Variants in APLF observed in about 807,000 individuals in gnomAD.
APLF encodes aprataxin and PNKP like factor, also known as aprataxin and PNK-like factor.
APLF carries 61 observed loss-of-function variants against 55.6 expected under a neutral mutation model. The ratio of observed to expected loss-of-function variants is 1.10; its 90% CI spans 0.89 to 1.36. The LOEUF (loss-of-function observed/expected upper bound fraction) is 1.36, where lower values mean the gene tolerates loss of function less well. Among genes scored for constraint, APLF ranks in the 40% most tolerant of loss-of-function variants. The probability of loss-of-function intolerance (pLI) is 0.00; values close to 1 mark genes in which losing one functional copy is unlikely to be tolerated. For missense variants in APLF, 611 were observed against 602.5 expected (o/e 1.01, Z -0.15); for synonymous variants, 207 against 214.8 (o/e 0.96, Z 0.32).
intron 8 of APLF, among the ~76,000 whole-genome samples, chr2:68,548,100 C>G (rs1358799332): frequency 6.6e-6 from 1 of 151,618 alleles, no homozygotes; most frequent in African/African-American, 2.4e-5. Context: ...CAAATAACTT[C>G]CAGATGAATT....
At chr2:68,565,079 C>A (rs1671264842) in intron 8 of APLF, among the ~76,000 whole-genome samples, 1 of 152,018 alleles carries the variant, frequency 6.6e-6, no homozygotes, top group African/African-American at 2.4e-5. Context: ...AGCAAATTTC[C>A]CTCATGACAA....
chr2:68,546,866 C>T (rs913207555), intron 8 of APLF, among the ~76,000 whole-genome samples: 1 of 151,754 alleles, frequency 6.6e-6, no homozygotes, highest in Non-Finnish European at 1.5e-5. Flanking sequence ...GTTATTACCA[C>T]TTCAGTTCAT....
chr2:68,505,514 C>T (rs1274562492), intron 3 of APLF, among the ~76,000 whole-genome samples: 1 of 151,954 alleles, frequency 6.6e-6, no homozygotes, highest in Non-Finnish European at 1.5e-5. Context: ...TGAAAATAAA[C>T]CCACTTTCAC....
rs1311042346 is a variant in APLF at position 68,529,283 on chromosome 2, C to T, written c.804+3041C>T. ...GCCTGGAAAAGAAGGCCCAAGATGTCGCTGACGGTTGAAGAGGAGTGGGAA... is the reference window on the plus strand; with the variant it reads ...GCCTGGAAAAGAAGGCCCAAGATGTTGCTGACGGTTGAAGAGGAGTGGGAA... On this transcript the variant is annotated intron_variant, in intron 6 of 9. Transcript: ENST00000303795. This position sits in a 1 kb window ranked among gnomAD's most constrained non-coding sequence, Gnocchi z 4.4. 2.7e-5 allele frequency: 37 copies of T among 1,348,634 alleles called. No homozygotes were observed. The highest frequency in any genetic ancestry group is 2.2e-4 in the Middle Eastern group (1 of 4,462). The allele number at this position is 1,348,634 out of a possible 1,614,324, so 83.5% of individuals were successfully genotyped here. A position where few individuals can be genotyped will look rare whatever the true frequency, so the allele number is the denominator to read the frequency against.
chr2:68,482,144 GGTT>G (rs1675979681), intron 1 of APLF, among the ~76,000 whole-genome samples: 1 of 150,898 alleles, frequency 6.6e-6, no homozygotes. Context: ...GTTCCTTTGG[GGTT>G]GTTATGTTTT....
chr2:68,475,684 A>G lies in APLF; in HGVS notation c.96+7857A>G, dbSNP rs547304501. 3.3e-5 allele frequency among the ~76,000 whole-genome samples: 5 copies of G among 152,312 alleles called. No homozygotes were observed. In the East Asian group the frequency reaches 5.8e-4, roughly 18 times the overall value. ...GTACATTCCAAATACGATAATGTCA[A>G]ACATCTTATATCAACTACTTTTGCT... On this transcript the variant is annotated intron_variant, in intron 1 of 9. Coordinates refer to ENST00000303795, the MANE Select transcript of APLF (RefSeq NM_173545.3).
Position 68,529,012 on chromosome 2 carries a change from C to G in APLF, c.804+2770C>G, listed in dbSNP as rs1670165194. On this transcript the variant is annotated intron_variant, in intron 6 of 9. Transcript: ENST00000303795. The surrounding 1 kb of genome is among the most constrained non-coding windows in gnomAD (Gnocchi z 4.4). ...TTGCTTCTTTGGGCTCTTCTGCCCTCACCTCCATTTTCGGGAGCCTGGCTG... is the reference window on the plus strand; with the variant it reads ...TTGCTTCTTTGGGCTCTTCTGCCCTGACCTCCATTTTCGGGAGCCTGGCTG... The G allele has an allele frequency of 6.6e-7, 1 of 1,504,148 alleles. No individual in the cohort carries two copies. Among genetic ancestry groups the G allele is most frequent in the South Asian group, 1.2e-5 (1 of 83,332 alleles). 93.2% of individuals were successfully genotyped at this position (1,504,148 alleles called of 1,614,324 possible).
chr2:68,507,912 TG>T (rs1676917186), intron 3 of APLF, among the ~76,000 whole-genome samples: 4 of 151,818 alleles, frequency 2.6e-5, no homozygotes, highest in Non-Finnish European at 4.4e-5. Context: ...AATCTAAGTA[TG>T]TAGATTCCAT....
chr2:68,518,339 TA>T (rs1431938900), intron 5 of APLF, among the ~76,000 whole-genome samples: 21 of 113,192 alleles, frequency 1.9e-4, no homozygotes, highest in African/African-American at 7.3e-4. Context: ...TATTAATAAA[TA>T]ATTATATATT....
chr2:68,476,913 G>C (rs940359077), intron 1 of APLF, among the ~76,000 whole-genome samples: 3 of 152,062 alleles, frequency 2.0e-5, no homozygotes, highest in African/African-American at 4.8e-5. Flanking sequence ...GATTCAACAA[G>C]TATATTGGAA....
intron 8 of APLF, among the ~76,000 whole-genome samples, chr2:68,549,191 A>G (rs545063511): frequency 1.3e-5 from 2 of 151,938 alleles, no homozygotes; most frequent in South Asian, 2.1e-4. Context: ...TTTCCTTGCT[A>G]TATATTTGTT....
chr2:68,476,975 T>TA (rs757398137), intron 1 of APLF, among the ~76,000 whole-genome samples: 1 of 152,088 alleles, frequency 6.6e-6, no homozygotes, highest in Non-Finnish European at 1.5e-5. Flanking sequence ...ACTCTATATT[T>TA]AAAAAACATT....
At chr2:68,523,971 CT>C (rs35929423) in intron 5 of APLF, among the ~76,000 whole-genome samples, 38,098 of 151,256 alleles carry the variant, frequency 0.25, 8,014 homozygotes, top group African/African-American at 0.58. Flanking sequence ...TTTTGAAAAA[CT>C]TGAGTATTTT....
rs868100771 is a variant in APLF, at chr2:68,526,074, G to C, written c.636G>C (p.Gln212His). The C allele has an allele frequency of 1.2e-6, 2 of 1,612,642 alleles. No homozygotes were observed. Among genetic ancestry groups the C allele is most frequent in the Middle Eastern group, 3.3e-4 (2 of 6,058 alleles). The change falls in exon 6 of 10, where the codon CAG (glutamine) becomes CAC (histidine). Residue 212 changes from glutamine to histidine, a missense_variant. Gln to His is a conservative substitution (Grantham distance 24). Transcript: ENST00000303795. ...TATGTGTTTAAGGTAATGTAATCCAGGGAAGTGGAAAAGAAGAAATCTGCA... is the reference window on the plus strand; with the variant it reads ...TATGTGTTTAAGGTAATGTAATCCACGGAAGTGGAAAAGAAGAAATCTGCA... ...VPAISGGNVI[Q>H]GSGKEEICKD...
At chr2:68,495,095 G>A (rs902749264) in intron 2 of APLF, among the ~76,000 whole-genome samples, 1 of 152,124 alleles carries the variant, frequency 6.6e-6, no homozygotes, top group Admixed American at 6.5e-5. Context: ...TGAGTTTCAG[G>A]TGGGGACAAA....
chr2:68,571,711 T>C (rs1671470667), intron 9 of APLF, among the ~76,000 whole-genome samples: 1 of 152,208 alleles, frequency 6.6e-6, no homozygotes, highest in Non-Finnish European at 1.5e-5. Flanking sequence ...TAGTATAGTT[T>C]GAAGTCAGGT....
At chr2:68,487,196 A>G (rs1676210043) in intron 1 of APLF, among the ~76,000 whole-genome samples, 1 of 152,136 alleles carries the variant, frequency 6.6e-6, no homozygotes, top group African/African-American at 2.4e-5. Flanking sequence ...TAGGATCTGA[A>G]TCTCCTCTGA....
chr2:68,551,950 G>A (rs1670879626), intron 8 of APLF, among the ~76,000 whole-genome samples: 1 of 152,008 alleles, frequency 6.6e-6, no homozygotes, highest in South Asian at 2.1e-4. Context: ...TAGATAGATA[G>A]TAGCTAGTTT....
chr2:68,499,015 A>T (rs1216022724), intron 2 of APLF, among the ~76,000 whole-genome samples: 4 of 128,950 alleles, frequency 3.1e-5, no homozygotes, highest in Non-Finnish European at 6.5e-5. Context: ...TTATTTTGTT[A>T]AAAAAAAAAG....
Sources: allele counts gnomAD v4.1 joint callset (sites outside exome capture counted in the v4.1 genomes callset), GRCh38; gene constraint gnomAD v4.1.1; non-coding constraint Gnocchi (gnomAD v3.1); transcripts MANE v1.5; gene names NCBI Gene and HGNC (gene_info 2026-07-23, HGNC 2026-07-21).